The following CNTN4 variants were observed in gnomAD, a reference collection of about 807,000 sequenced individuals.
The protein encoded by CNTN4 is contactin-4.
In CNTN4, 77 loss-of-function variants were observed where a neutral mutation model predicts 122.5. The ratio of observed to expected loss-of-function variants is 0.63; its 90% CI spans 0.52 to 0.76. The LOEUF is 0.76. Among genes scored for constraint, CNTN4 ranks in the 30% least tolerant of loss-of-function variants. CNTN4 has a pLI of 0.00. For missense variants in CNTN4, 1,256 were observed against 1,259.1 expected, an observed-to-expected ratio of 1.00 and a Z score of 0.04; for synonymous variants, 512 against 447.0, an observed-to-expected ratio of 1.15 and a Z score of -1.83.
At chr3:2,602,345 C>G (rs2081082585) in intron 4 of CNTN4, among the ~76,000 whole-genome samples, 1 of 152,140 alleles carries the variant, frequency 6.6e-6, no homozygotes, top group Non-Finnish European at 1.5e-5. Flanking sequence ...TAGAAAACCC[C>G]ATCATCTCAG....
At chr3:2,469,694 C>A (rs1390381823) in intron 3 of CNTN4, among the ~76,000 whole-genome samples, 1 of 152,132 alleles carries the variant, frequency 6.6e-6, no homozygotes, top group East Asian at 1.9e-4. Flanking sequence ...GCTAGAGGTA[C>A]ATTGTGTCAG....
chr3:2,520,575 T>C (rs1160066546), intron 3 of CNTN4, among the ~76,000 whole-genome samples: 2 of 151,940 alleles, frequency 1.3e-5, no homozygotes, highest in African/African-American at 4.8e-5. Context: ...CATCCAGCCC[T>C]TTTTTCCTTT....
chr3:3,034,341 A>T (rs777499970), intron 16 of CNTN4, among the ~76,000 whole-genome samples: 1 of 152,188 alleles, frequency 6.6e-6, no homozygotes, highest in Non-Finnish European at 1.5e-5. Context: ...TGGTACCCCA[A>T]TACTCTCTAT....
chr3:2,741,121 T>C (rs1005861373), intron 5 of CNTN4, among the ~76,000 whole-genome samples: 2 of 152,228 alleles, frequency 1.3e-5, no homozygotes, highest in Non-Finnish European at 2.9e-5. Flanking sequence ...GCAGCTGCAA[T>C]GTACCAGTCA....
In CNTN4 at chr3:2,670,321, G is replaced by A. The variant is rs375371534; in HGVS notation, c.56-65894G>A. On this transcript the variant is annotated intron_variant, in intron 4 of 24. Transcript: ENST00000418658. ...TTTAGGATAGTTAGCTCTTCTTGTT[G>A]AATTGATCCCTTTACCATTATGTAA... Among the ~76,000 whole-genome samples the A allele has an allele frequency of 9.9e-5, 15 of 152,268 alleles. 1 individual carries two copies. The East Asian group carries it at 2.5e-3, about 25-fold the overall frequency.
At chr3:2,989,451 A>G (rs1489832979) in intron 14 of CNTN4, among the ~76,000 whole-genome samples, 3 of 148,640 alleles carry the variant, frequency 2.0e-5, no homozygotes, top group African/African-American at 7.6e-5. Context: ...TGGTGAAGAC[A>G]GATGAAGGCA....
At chr3:2,340,673 T>C (rs1269517652) in intron 3 of CNTN4, among the ~76,000 whole-genome samples, 3 of 51,366 alleles carry the variant, frequency 5.8e-5, no homozygotes, top group African/African-American at 1.1e-4. Flanking sequence ...GAGCAAGACC[T>C]TGTCATAAAT....
chr3:3,023,951 C>G (rs564565093), intron 14 of CNTN4, among the ~76,000 whole-genome samples: 1 of 152,310 alleles, frequency 6.6e-6, no homozygotes, highest in East Asian at 1.9e-4. Context: ...TCTTAGACAT[C>G]AGTCTGCTCA....
chr3:2,165,942 C>A (rs2036175875), intron 2 of CNTN4, among the ~76,000 whole-genome samples: 1 of 151,810 alleles, frequency 6.6e-6, no homozygotes, highest in Non-Finnish European at 1.5e-5. Flanking sequence ...TTTATATATA[C>A]CACAATTGTG....
chr3:2,750,116 G>A (rs903233025), intron 6 of CNTN4, among the ~76,000 whole-genome samples: 8 of 152,138 alleles, frequency 5.3e-5, no homozygotes, highest in South Asian at 2.1e-4. Context: ...TTAGAGTAAC[G>A]GAATTACTCA....
At chr3:2,409,469 G>A (rs923630926) in intron 3 of CNTN4, among the ~76,000 whole-genome samples, 1 of 151,844 alleles carries the variant, frequency 6.6e-6, no homozygotes, top group Non-Finnish European at 1.5e-5. Flanking sequence ...GGAGGGTCTC[G>A]AATTCCTGAC....
At chr3:2,818,072 G>A (rs1215949669) in intron 6 of CNTN4, among the ~76,000 whole-genome samples, 4 of 152,202 alleles carry the variant, frequency 2.6e-5, no homozygotes, top group Admixed American at 1.3e-4. Context: ...GGCAGTCTTT[G>A]GTTTGCTCTG....
rs544023048 is a variant in CNTN4, at chr3:3,002,918, G to A, written c.1486+14446G>A. Among the ~76,000 whole-genome samples the A allele has an allele frequency of 4.6e-5, 7 of 152,214 alleles. No homozygotes were observed. In the East Asian group the frequency reaches 5.8e-4, roughly 13 times the overall value. Reference sequence around the variant, plus strand: ...AAAGAGAAAAATTACCATTTAAATCGTGTGGGCAGTTTTACCAACCAGCTC... The same window carrying A: ...AAAGAGAAAAATTACCATTTAAATCATGTGGGCAGTTTTACCAACCAGCTC... On this transcript the variant is annotated intron_variant, in intron 14 of 24. Transcript: ENST00000418658.
intron 13 of CNTN4, among the ~76,000 whole-genome samples, chr3:2,952,649 T>C (rs916717837): frequency 2.0e-5 from 3 of 152,234 alleles, no homozygotes; most frequent in African/African-American, 7.2e-5. Flanking sequence ...TATGTTTTTA[T>C]TTTTTATGGC....
At chr3:2,807,380 A>G (rs2092493342) in intron 6 of CNTN4, among the ~76,000 whole-genome samples, 1 of 152,200 alleles carries the variant, frequency 6.6e-6, no homozygotes, top group Non-Finnish European at 1.5e-5. Flanking sequence ...CTGTAATTAA[A>G]TGAGATAAAA....
chr3:2,557,507 C>G (rs527257108), intron 3 of CNTN4, among the ~76,000 whole-genome samples: 2 of 152,248 alleles, frequency 1.3e-5, no homozygotes, highest in South Asian at 2.1e-4. Flanking sequence ...GCGGGCAGAT[C>G]ACGAGGTCAG....
intron 3 of CNTN4, among the ~76,000 whole-genome samples, chr3:2,439,657 T>G (rs2048366305): frequency 6.6e-6 from 1 of 152,080 alleles, no homozygotes; most frequent in African/African-American, 2.4e-5. Context: ...TGTGTGTGTG[T>G]CTGTATCTGA....
intron 14 of CNTN4, among the ~76,000 whole-genome samples, chr3:2,991,990 A>G (rs1695101995): frequency 6.6e-6 from 1 of 152,166 alleles, no homozygotes; most frequent in Admixed American, 6.5e-5. Flanking sequence ...ACCTTTTTAC[A>G]ATAGTTCTAT....
chr3:2,286,242 C>CCT (rs1553615954), intron 2 of CNTN4, among the ~76,000 whole-genome samples: 1 of 139,382 alleles, frequency 7.2e-6, no homozygotes, highest in Non-Finnish European at 1.6e-5. Flanking sequence ...CCCTGCCCCC[C>CCT]CCACAACATA....
Sources: gnomAD v4.1 joint callset for allele counts (sites outside exome capture counted in the v4.1 genomes callset) on GRCh38, gnomAD v4.1.1 for gene constraint, MANE v1.5 for transcripts, NCBI Gene and HGNC (gene_info 2026-07-23, HGNC 2026-07-21) for gene names.